ANKRD28: variants seen among roughly 807,000 people sequenced by gnomAD.
ANKRD28 encodes ankyrin repeat domain 28, also known as serine/threonine-protein phosphatase 6 regulatory ankyrin repeat subunit A.
In ANKRD28, 44 loss-of-function variants were observed where a neutral mutation model predicts 126.5. The observed-to-expected ratio is 0.35, with a 90% CI of 0.27 to 0.45. ANKRD28 has a LOEUF of 0.45. Ranked by LOEUF, ANKRD28 falls within the 20% of genes least tolerant of loss-of-function variation. The pLI is 1.00. For missense variants in ANKRD28, 1,110 were observed against 1,316.6 expected (o/e 0.84, Z 2.43); for synonymous variants, 442 against 468.5 (o/e 0.94, Z 0.73).
intron 6 of ANKRD28, among the ~76,000 whole-genome samples, chr3:15,730,827 T>C (rs545342934): frequency 6.1e-4 from 93 of 152,342 alleles, no homozygotes; most frequent in African/African-American, 2.2e-3. Context: ...GAAGTTCATA[T>C]GTTGGAAGTG....
At chr3:15,847,823 A>G (rs1356439950) in intron 1 of ANKRD28, among the ~76,000 whole-genome samples, 1 of 152,200 alleles carries the variant, frequency 6.6e-6, no homozygotes, top group Non-Finnish European at 1.5e-5. Context: ...ATTCTATACT[A>G]TCTTCCAGAA....
intron 2 of ANKRD28, among the ~76,000 whole-genome samples, chr3:15,768,695 A>G (rs958921198): frequency 6.6e-6 from 1 of 152,098 alleles, no homozygotes; most frequent in Non-Finnish European, 1.5e-5. Flanking sequence ...TGTGTAACAT[A>G]TAATTATCAC....
intron 1 of ANKRD28, among the ~76,000 whole-genome samples, chr3:15,834,302 T>C (rs1342789928): frequency 1.5e-4 from 23 of 152,170 alleles, no homozygotes; most frequent in Admixed American, 1.4e-3. Flanking sequence ...CCCAGACCCA[T>C]TTACTGAATC....
intron 17 of ANKRD28, among the ~76,000 whole-genome samples, chr3:15,692,635 T>C (rs1222468692): frequency 6.6e-6 from 1 of 152,222 alleles, no homozygotes; most frequent in Non-Finnish European, 1.5e-5. Context: ...CAGATCAGTA[T>C]GTTTTCACTG....
At chr3:15,859,346 G>A in intron 1 of ANKRD28, 1 of 1,522,614 alleles carries the variant, frequency 6.6e-7, no homozygotes, top group Non-Finnish European at 8.8e-7. Context: ...TTCCCGGACG[G>A]CGCGATCCCG....
At chr3:15,813,047 C>CTTTTT (rs34610698) in intron 1 of ANKRD28, among the ~76,000 whole-genome samples, 1 of 137,520 alleles carries the variant, frequency 7.3e-6, no homozygotes, top group South Asian at 2.3e-4. Flanking sequence ...TAATCACCTC[C>CTTTTT]TTTTTTTTTT....
chr3:15,695,312 C>G (rs2069373326), intron 15 of ANKRD28, 98 bp from the exon 16 acceptor site: 1 of 885,238 alleles, frequency 1.1e-6, no homozygotes, highest in Non-Finnish European at 1.8e-6. Flanking sequence ...TACCCTAAAC[C>G]CGTGCTTCCT....
At chr3:15,808,844 A>G (rs2060644642) in intron 1 of ANKRD28, among the ~76,000 whole-genome samples, 1 of 152,202 alleles carries the variant, frequency 6.6e-6, no homozygotes, top group African/African-American at 2.4e-5. Flanking sequence ...GTCATCAATG[A>G]TAATTTATTA....
At position 15,838,991 on chromosome 3, in the gene ANKRD28, T is replaced by C. The variant is rs967275838; in HGVS notation, c.27+20386A>G. On this transcript the variant is annotated intron_variant, in intron 1 of 27. Coordinates refer to the ANKRD28 transcript ENST00000399451. The surrounding 1 kb of genome is among the most constrained non-coding windows in gnomAD (Gnocchi z 4.0). ...ACCTCAACAACATTTATACCAAATT[T>C]TTAAAAGCCAGACAAAAAATGATCA... is the stretch of plus-strand genomic sequence containing the variant. Among the ~76,000 whole-genome samples, 2 of 152,152 alleles carry C rather than the reference T, an allele frequency of 1.3e-5. No individual in the cohort carries two copies. Among genetic ancestry groups the C allele is most frequent in the African/African-American group, 4.8e-5 (2 of 41,430 alleles).
At chr3:15,672,958 T>C (rs564803144) in intron 27 of ANKRD28, among the ~76,000 whole-genome samples, 107 of 152,334 alleles carry the variant, frequency 7.0e-4, no homozygotes, top group African/African-American at 2.5e-3. Flanking sequence ...GTATTTTTAG[T>C]AGAGACGGGG....
chr3:15,837,766 G>A (rs1295518197), intron 1 of ANKRD28, among the ~76,000 whole-genome samples: 3 of 151,080 alleles, frequency 2.0e-5, no homozygotes, highest in African/African-American at 4.9e-5. Context: ...CAAGTAGCAG[G>A]GGAAAAAACA....
At chr3:15,742,935 G>A (rs1345169487) in intron 4 of ANKRD28, among the ~76,000 whole-genome samples, 3 of 151,378 alleles carry the variant, frequency 2.0e-5, no homozygotes, top group Non-Finnish European at 4.4e-5. Flanking sequence ...GAATAGAAAG[G>A]GGGGAAAGGC....
rs577214765 is a variant in ANKRD28 at position 15,676,905 on chromosome 3, A to T, written c.2873+69T>A. The stretch of plus-strand genomic sequence containing the variant: ...AACCTATTCCAATAGTCACATGTTT[A>T]AAAAAATCCATTTATCATTTTTATA... On this transcript the variant is annotated intron_variant, in intron 26 of 27. Transcript: ENST00000683139. 1.5e-5 allele frequency: 20 copies of T among 1,346,706 alleles called. No individual in the cohort carries two copies. In the African/African-American group the frequency reaches 2.3e-4, roughly 16 times the overall value. 83.4% of individuals were successfully genotyped at this position (1,346,706 alleles called of 1,614,324 possible). A position where few individuals can be genotyped will look rare whatever the true frequency, so the allele number is the denominator to read the frequency against.
chr3:15,856,380 C>A (rs1327268759), intron 1 of ANKRD28, among the ~76,000 whole-genome samples: 1 of 152,154 alleles, frequency 6.6e-6, no homozygotes, highest in African/African-American at 2.4e-5. Context: ...GATCCCTAAA[C>A]AATGATCTTC....
At chr3:15,818,778 C>G (rs1394388258) in intron 1 of ANKRD28, among the ~76,000 whole-genome samples, 2 of 152,116 alleles carry the variant, frequency 1.3e-5, no homozygotes, top group African/African-American at 4.8e-5. Flanking sequence ...CTGTACCATG[C>G]TCATGGTTGG....
At chr3:15,859,271 C>T in intron 1 of ANKRD28, 1 of 1,464,714 alleles carries the variant, frequency 6.8e-7, no homozygotes. Flanking sequence ...CCGTTTCCCT[C>T]GCAACCACCC....
chr3:15,766,142 G>C, intron 3 of ANKRD28, 92 bp downstream of exon 3: 2 of 908,552 alleles, frequency 2.2e-6, no homozygotes, highest in Non-Finnish European at 1.7e-6. Context: ...ATGAACAACA[G>C]GCCATGCAGT....
intron 17 of ANKRD28, among the ~76,000 whole-genome samples, chr3:15,692,660 G>A (rs571945821): frequency 9.2e-5 from 14 of 152,168 alleles, no homozygotes; most frequent in African/African-American, 1.4e-4. Context: ...AAGTTGTCCC[G>A]AATGGGAGAG....
At chr3:15,779,260 T>C (rs1476101266) in intron 2 of ANKRD28, among the ~76,000 whole-genome samples, 14 of 152,092 alleles carry the variant, frequency 9.2e-5, no homozygotes, top group Admixed American at 8.5e-4. Flanking sequence ...TAATCTGATA[T>C]AAGGAAATAA....
Sources: allele counts gnomAD v4.1 joint callset (sites outside exome capture counted in the v4.1 genomes callset), GRCh38; gene constraint gnomAD v4.1.1; non-coding constraint Gnocchi (gnomAD v3.1); transcripts MANE v1.5; gene names NCBI Gene and HGNC (gene_info 2026-07-23, HGNC 2026-07-21).